Variants in RALYL observed in about 807,000 individuals in gnomAD.
RALYL encodes RALY RNA binding protein like, also known as RNA-binding Raly-like protein.
RALYL carries 29 observed loss-of-function variants against 35.1 expected under a neutral mutation model. The observed-to-expected ratio is 0.83, with a 90% CI of 0.61 to 1.13. The LOEUF is 1.13. Ranked by LOEUF, RALYL falls within the 50% of genes most tolerant of loss-of-function variation. The probability of loss-of-function intolerance (pLI) is 0.00; values close to 1 mark genes in which losing one functional copy is unlikely to be tolerated. For synonymous variants in RALYL, 120 were observed against 127.6 expected (o/e 0.94, Z 0.40); for missense variants, 359 against 360.4 (o/e 1.00, Z 0.03).
intron 3 of RALYL, among the ~76,000 whole-genome samples, chr8:84,785,880 A>G (rs1026827719): frequency 1.3e-5 from 2 of 152,236 alleles, no homozygotes; most frequent in African/African-American, 2.4e-5. Flanking sequence ...GGTTTGTTAC[A>G]TAGGTAAATG....
intron 1 of RALYL, among the ~76,000 whole-genome samples, chr8:84,353,072 G>C (rs1851213368): frequency 6.7e-6 from 1 of 150,104 alleles, no homozygotes; most frequent in South Asian, 2.1e-4. Context: ...AGTCATTCTA[G>C]TTTTTTGAAA....
intron 1 of RALYL, among the ~76,000 whole-genome samples, chr8:84,385,739 A>G (rs1220233448): frequency 6.7e-6 from 1 of 149,576 alleles, no homozygotes; most frequent in Non-Finnish European, 1.5e-5. Flanking sequence ...TGCACCTGAC[A>G]GGGCTAGCTA....
At chr8:84,661,116 G>A (rs1315929941) in intron 2 of RALYL, among the ~76,000 whole-genome samples, 2 of 151,854 alleles carry the variant, frequency 1.3e-5, no homozygotes, top group African/African-American at 4.8e-5. Flanking sequence ...TTTTAGTAGA[G>A]ACGGGGTTTC....
intron 2 of RALYL, among the ~76,000 whole-genome samples, chr8:84,769,644 C>G (rs552659855): frequency 6.6e-6 from 1 of 152,064 alleles, no homozygotes; most frequent in South Asian, 2.1e-4. Flanking sequence ...GACTGCAATT[C>G]CAGCTACTTG....
At chr8:84,860,573 C>T (rs1837907152) in intron 5 of RALYL, among the ~76,000 whole-genome samples, 1 of 152,144 alleles carries the variant, frequency 6.6e-6, no homozygotes, top group Non-Finnish European at 1.5e-5. Flanking sequence ...TTCTCAAGCC[C>T]CTAGTGGTAT....
intron 1 of RALYL, among the ~76,000 whole-genome samples, chr8:84,454,561 A>T (rs538161743): frequency 3.3e-5 from 5 of 152,066 alleles, no homozygotes; most frequent in Non-Finnish European, 7.4e-5. Flanking sequence ...TTCCAAATGG[A>T]TACTACAGTT....
intron 2 of RALYL, among the ~76,000 whole-genome samples, chr8:84,745,309 G>T (rs774529999): frequency 6.6e-6 from 1 of 151,876 alleles, no homozygotes; most frequent in Admixed American, 6.6e-5. Flanking sequence ...GTTTTTAATG[G>T]TTTAATTTAT....
intron 6 of RALYL, chr8:84,872,921 G>T (rs3780005): frequency 0.45 from 74,604 of 167,226 alleles, 19,801 homozygotes; most frequent in African/African-American, 0.74. Flanking sequence ...GTAGTATCTG[G>T]CATGATTTAA....
At chr8:84,781,681 G>A (rs932616876) in intron 3 of RALYL, among the ~76,000 whole-genome samples, 1 of 152,192 alleles carries the variant, frequency 6.6e-6, no homozygotes, top group Non-Finnish European at 1.5e-5. Flanking sequence ...AAAGTAGCAA[G>A]AGTCAATAAT....
At chr8:84,341,046 C>T (rs751982526) in intron 1 of RALYL, among the ~76,000 whole-genome samples, 3 of 151,758 alleles carry the variant, frequency 2.0e-5, no homozygotes, top group Admixed American at 6.6e-5. Flanking sequence ...TTTTGATTTA[C>T]GTTTCCCTAA....
rs371395654 is a variant in RALYL, at chr8:84,651,159, C to T, written c.256+121582C>T. 1.7e-4 allele frequency among the ~76,000 whole-genome samples: 26 copies of T among 151,936 alleles called. No homozygotes were observed. The East Asian group carries it at 4.8e-3, about 28-fold the overall frequency. On this transcript the variant is annotated intron_variant, in intron 2 of 8. Coordinates refer to ENST00000521268, the MANE Select transcript of RALYL (RefSeq NM_173848.7). ...ATGGGTGCAGCACACCAGCATGGCA[C>T]ATGTATGCATATGTAACTAACCTGC... is the stretch of plus-strand genomic sequence containing the variant.
At chr8:84,597,571 A>T (rs763494187) in intron 2 of RALYL, among the ~76,000 whole-genome samples, 9 of 152,018 alleles carry the variant, frequency 5.9e-5, no homozygotes, top group Non-Finnish European at 1.2e-4. Context: ...CACCCTAATG[A>T]TGTATCTAAA....
intron 1 of RALYL, among the ~76,000 whole-genome samples, chr8:84,247,464 C>T (rs1284694231): frequency 6.6e-6 from 1 of 150,586 alleles, no homozygotes. Context: ...TTTAGCAGGC[C>T]AAATATTAGG....
chr8:84,590,824 A>G (rs1202349882), intron 2 of RALYL, among the ~76,000 whole-genome samples: 1 of 152,146 alleles, frequency 6.6e-6, no homozygotes, highest in Non-Finnish European at 1.5e-5. Flanking sequence ...TGATTATATG[A>G]CTTCTAAGCT....
chr8:84,226,236 G>A (rs1303024187), intron 1 of RALYL, among the ~76,000 whole-genome samples: 2 of 152,140 alleles, frequency 1.3e-5, no homozygotes, highest in African/African-American at 4.8e-5. Context: ...ATGATCTGAG[G>A]TGGAACAGTT....
At chr8:84,516,644 C>G (rs1022320668) in intron 1 of RALYL, among the ~76,000 whole-genome samples, 1 of 152,068 alleles carries the variant, frequency 6.6e-6, no homozygotes, top group African/African-American at 2.4e-5. Context: ...TAAATATAAG[C>G]AGGAGACTTC....
rs111733826 is a variant in RALYL at position 84,839,182 on chromosome 8, C to T, written c.366-10798C>T. Among the ~76,000 whole-genome samples, 416 of 152,318 alleles carry T rather than the reference C, an allele frequency of 2.7e-3. 1 individual carries two copies. The highest frequency in any genetic ancestry group is 9.7e-3 in the African/African-American group (404 of 41,564). ...AAGCAGGGCGAGGCATCACCTCCCC[C>T]GGGAAGTGCAAGAGGTCAGGGAATT... On this transcript the variant is annotated intron_variant, in intron 4 of 8. Transcript: ENST00000521268.
intron 1 of RALYL, among the ~76,000 whole-genome samples, chr8:84,385,920 G>A (rs1450157624): frequency 6.6e-6 from 1 of 151,880 alleles, no homozygotes; most frequent in South Asian, 2.1e-4. Context: ...GGACCAAGTA[G>A]CCACTCCCTC....
chr8:84,561,710 G>A (rs1201867940), intron 2 of RALYL, among the ~76,000 whole-genome samples: 1 of 151,858 alleles, frequency 6.6e-6, no homozygotes, highest in Non-Finnish European at 1.5e-5. Context: ...TATCAGATCT[G>A]AGATGGCCAC....
Sources: allele counts gnomAD v4.1 joint callset (sites outside exome capture counted in the v4.1 genomes callset), GRCh38; gene constraint gnomAD v4.1.1; transcripts MANE v1.5; gene names NCBI Gene and HGNC (gene_info 2026-07-23, HGNC 2026-07-21).